The following SPOCK1 variants were observed in gnomAD, a reference collection of about 807,000 sequenced individuals.
SPOCK1 encodes testican-1.
A neutral mutation model predicts 55.3 loss-of-function variants in SPOCK1; 23 were observed. The ratio of observed to expected loss-of-function variants is 0.42; its 90% CI spans 0.30 to 0.59. The LOEUF is 0.59. Among genes scored for constraint, SPOCK1 ranks in the 20% least tolerant of loss-of-function variants. SPOCK1 has a pLI of 0.22. For missense variants in SPOCK1, 499 were observed against 552.5 expected, an observed-to-expected ratio of 0.90 and a Z score of 0.97; for synonymous variants, 226 against 221.0, an observed-to-expected ratio of 1.02 and a Z score of -0.20.
At chr5:137,313,659 C>T in intron 2 of SPOCK1, 1 of 218,052 alleles carries the variant, frequency 4.6e-6, no homozygotes. Context: ...TCATCCAAGT[C>T]TATCCAAGCT....
At chr5:137,145,535 G>T (rs763172680) in intron 3 of SPOCK1, among the ~76,000 whole-genome samples, 1 of 152,140 alleles carries the variant, frequency 6.6e-6, no homozygotes, top group Non-Finnish European at 1.5e-5. Context: ...TTTGTGGGGT[G>T]GCCCAAAGGG....
chr5:137,163,784 G>A (rs1340513223), intron 3 of SPOCK1, among the ~76,000 whole-genome samples: 1 of 152,182 alleles, frequency 6.6e-6, no homozygotes, highest in Non-Finnish European at 1.5e-5. Context: ...CAATCACTCA[G>A]TATGGCAGCT....
intron 2 of SPOCK1, among the ~76,000 whole-genome samples, chr5:137,440,524 A>G (rs1230578735): frequency 6.6e-6 from 1 of 152,226 alleles, no homozygotes; most frequent in Admixed American, 6.5e-5. Flanking sequence ...AACCCCTGCC[A>G]CTTGCTGTTC....
At chr5:137,065,004 G>C (rs1752470141) in intron 6 of SPOCK1, among the ~76,000 whole-genome samples, 1 of 152,068 alleles carries the variant, frequency 6.6e-6, no homozygotes, top group Non-Finnish European at 1.5e-5. Flanking sequence ...GAGGCAGGAG[G>C]ACTGCTTGAG....
intron 3 of SPOCK1, among the ~76,000 whole-genome samples, chr5:137,152,844 T>C (rs1382342100): frequency 6.6e-6 from 1 of 152,226 alleles, no homozygotes; most frequent in African/African-American, 2.4e-5. Flanking sequence ...CTTTCATGTC[T>C]CTTGAGCCTT....
At chr5:137,201,902 T>C (rs887382767) in intron 3 of SPOCK1, among the ~76,000 whole-genome samples, 1 of 152,148 alleles carries the variant, frequency 6.6e-6, no homozygotes, top group Non-Finnish European at 1.5e-5. Flanking sequence ...ACAAAACCCA[T>C]GAGACTTAAA....
chr5:137,044,221 T>C (rs79835957), intron 6 of SPOCK1, among the ~76,000 whole-genome samples: 2 of 152,166 alleles, frequency 1.3e-5, no homozygotes, highest in Non-Finnish European at 2.9e-5. Context: ...CATCAGGAGT[T>C]CACCAGACCA....
intron 3 of SPOCK1, among the ~76,000 whole-genome samples, chr5:137,186,758 A>G (rs146622205): frequency 6.6e-6 from 1 of 152,282 alleles, no homozygotes; most frequent in East Asian, 1.9e-4. Flanking sequence ...GCAGTGAGCT[A>G]GGTGCTGGTC....
intron 2 of SPOCK1, among the ~76,000 whole-genome samples, chr5:137,357,560 G>C (rs1729473677): frequency 6.6e-6 from 1 of 152,144 alleles, no homozygotes; most frequent in African/African-American, 2.4e-5. Flanking sequence ...ATGCCTGACT[G>C]GGTCTATAAG....
intron 2 of SPOCK1, among the ~76,000 whole-genome samples, chr5:137,380,765 A>C (rs1380870795): frequency 6.6e-6 from 1 of 152,206 alleles, no homozygotes; most frequent in Non-Finnish European, 1.5e-5. Context: ...GCAATTCAAC[A>C]TGAGATTTGG....
At chr5:137,458,694 G>A (rs1753417720) in intron 2 of SPOCK1, among the ~76,000 whole-genome samples, 1 of 152,120 alleles carries the variant, frequency 6.6e-6, no homozygotes, top group Admixed American at 6.5e-5. Flanking sequence ...ACCAATAAAG[G>A]CAAGAAAACA....
intron 2 of SPOCK1, among the ~76,000 whole-genome samples, chr5:137,441,523 A>G (rs1753007756): frequency 6.6e-6 from 1 of 152,216 alleles, no homozygotes. Context: ...ACTGCTCACC[A>G]CAGGCAAATG....
At chr5:137,401,650 C>G (rs529019604) in intron 2 of SPOCK1, among the ~76,000 whole-genome samples, 1 of 151,714 alleles carries the variant, frequency 6.6e-6, no homozygotes, top group Middle Eastern at 3.5e-3. Context: ...AAGGATGAAG[C>G]AAGAGGATCA....
rs142566143 is a variant in SPOCK1, at chr5:137,395,994, A to G, written c.186+102379T>C. Among the ~76,000 whole-genome samples, 492 of 152,348 alleles carry G rather than the reference A, an allele frequency of 3.2e-3. 4 individuals carry two copies. Among genetic ancestry groups the G allele is most frequent in the African/African-American group, 0.011 (457 of 41,582 alleles). ...ATTCGTAACTCTGAATCTCTCTCCAACATAAGTTACGTTTCCTTGCAGCCA... is the reference window on the plus strand; with the variant it reads ...ATTCGTAACTCTGAATCTCTCTCCAGCATAAGTTACGTTTCCTTGCAGCCA... On this transcript the variant is annotated intron_variant, in intron 2 of 10. Coordinates refer to ENST00000394945, the MANE Select transcript of SPOCK1 (RefSeq NM_004598.4).
intron 2 of SPOCK1, among the ~76,000 whole-genome samples, chr5:137,489,430 C>G (rs1307107298): frequency 6.6e-6 from 1 of 152,178 alleles, no homozygotes; most frequent in Non-Finnish European, 1.5e-5. Flanking sequence ...GCAGTAGGAA[C>G]TGTAGGAGCT....
intron 4 of SPOCK1, among the ~76,000 whole-genome samples, chr5:137,115,184 G>A (rs927818436): frequency 1.3e-5 from 2 of 152,200 alleles, no homozygotes; most frequent in Non-Finnish European, 2.9e-5. Flanking sequence ...TGGCGGGGTC[G>A]GTGGGGGGAG....
intron 6 of SPOCK1, among the ~76,000 whole-genome samples, chr5:137,051,678 T>C (rs909055202): frequency 6.6e-6 from 1 of 151,944 alleles, no homozygotes; most frequent in East Asian, 1.9e-4. Context: ...AAATTAAGGA[T>C]ATAAAAGAAT....
intron 2 of SPOCK1, among the ~76,000 whole-genome samples, chr5:137,321,041 A>AT (rs1210070224): frequency 1.3e-5 from 2 of 152,190 alleles, no homozygotes; most frequent in Non-Finnish European, 2.9e-5. Flanking sequence ...GAAAAAGAGT[A>AT]TTTTTTAACC....
chr5:137,146,226 T>C (rs1026819162), intron 3 of SPOCK1, among the ~76,000 whole-genome samples: 2 of 152,170 alleles, frequency 1.3e-5, no homozygotes, highest in African/African-American at 4.8e-5. Flanking sequence ...ACCCCTTTTC[T>C]CCTGCCAGGA....
Sources: gnomAD v4.1 joint callset for allele counts (sites outside exome capture counted in the v4.1 genomes callset) on GRCh38, gnomAD v4.1.1 for gene constraint, MANE v1.5 for transcripts, NCBI Gene and HGNC (gene_info 2026-07-23, HGNC 2026-07-21) for gene names.